Variants in SLC19A1 observed in about 807,000 individuals in gnomAD.
The protein encoded by SLC19A1 is solute carrier family 19 member 1.
A neutral mutation model predicts 35.3 loss-of-function variants in SLC19A1; 37 were observed. The ratio of observed to expected loss-of-function variants is 1.05; its 90% CI spans 0.81 to 1.38. The LOEUF is 1.38. SLC19A1 is among the 40% of genes most tolerant of loss of function. SLC19A1 has a pLI of 0.00. For missense variants in SLC19A1, 831 were observed against 826.9 expected (o/e 1.00, Z -0.06); for synonymous variants, 460 against 398.5 (o/e 1.15, Z -1.84).
At position 45,532,092 on chromosome 21, in the gene SLC19A1, G is replaced by A. The variant is rs1051269; in HGVS notation, c.246C>T (p.Pro82=). The A allele has an allele frequency of 5.0e-6, 8 of 1,612,174 alleles. No homozygotes were observed. The highest frequency in any genetic ancestry group is 6.8e-6 in the Non-Finnish European group (8 of 1,179,358). ...LSYSYLAVLV[P]VFLLTDYLRY... is the part of the protein sequence containing the mutation. ...GCAGGTAGTCGGTGAGCAGGAACAC[G>A]GGCACCAGCACGGCCAGGTAGGAGT... Residue 82 remains proline (P), a synonymous_variant, in exon 3 of 6, where the codon CCC becomes CCT. Transcript: ENST00000311124.
chr21:45,509,964 G>A (rs1165855032), downstream of SLC19A1: 31 of 1,368,222 alleles, frequency 2.3e-5, no homozygotes, highest in African/African-American at 2.9e-5. Flanking sequence ...CCCCTCGGCC[G>A]TGCCTGTCCA....
chr21:45,521,733 C>G (rs2077444234), intron 5 of SLC19A1, among the ~76,000 whole-genome samples: 1 of 152,008 alleles, frequency 6.6e-6, no homozygotes, highest in Non-Finnish European at 1.5e-5. Flanking sequence ...CAACTTTTGA[C>G]AAAGGTGCAA....
In SLC19A1 at chr21:45,514,726, G is replaced by A. The variant is rs1602680744; in HGVS notation, c.*932C>T. The A allele has an allele frequency of 2.4e-6, 1 of 424,754 alleles. No homozygotes were observed. 26.3% of individuals were successfully genotyped at this position (424,754 alleles called of 1,614,324 possible). ...AAGCCCTGCGCACACTCACTTAAGT[G>A]TGTTTAATGTATGTGGGAAGAGTAT... On this transcript the variant is annotated 3_prime_UTR_variant, in exon 6 of 6. Transcript: ENST00000311124.
chr21:45,505,285 C>T (rs1568942627), intron 3 of SLC19A1: 1 of 1,607,982 alleles, frequency 6.2e-7, no homozygotes, highest in Non-Finnish European at 8.5e-7. Context: ...CAGAGTAAGT[C>T]AGTGGGGAGT....
downstream of SLC19A1, chr21:45,509,305 G>A (rs2037431133): frequency 9.1e-6 from 14 of 1,535,216 alleles, no homozygotes; most frequent in South Asian, 1.2e-5. Flanking sequence ...GATGGAGGAG[G>A]GGCACCCGGA....
Position 45,512,566 on chromosome 21 carries a change from G to GTATT in SLC19A1, c.*3088_*3091dup. 1.5e-6 allele frequency: 1 copy of GTATT among 683,760 alleles called. No homozygotes were observed. Among genetic ancestry groups the GTATT allele is most frequent in the Non-Finnish European group, 2.5e-6 (1 of 407,542 alleles). The allele number at this position is 683,760 out of a possible 1,614,324, so 42.4% of individuals were successfully genotyped here. On this transcript the variant is annotated 3_prime_UTR_variant, in exon 6 of 6. Transcript: ENST00000311124. ...AAGAAATAAAAGGAAGCCAAAGAGT[G>GTATT]TATTTTTTTAAAAGTTTAAAACAGA...
At chr21:45,503,796 A>T (rs180981431) in intron 3 of SLC19A1, 53 of 287,562 alleles carry the variant, frequency 1.8e-4, no homozygotes, top group African/African-American at 9.8e-4. Flanking sequence ...TAATAAATTT[A>T]AAAAATTTAA....
At position 45,531,459 on chromosome 21, in the gene SLC19A1, G is replaced by T; in HGVS notation, c.879C>A (p.Asn293Lys). ...CACTGTTGGTGGTGGGGTCCACCTC[G>T]TTCCACAGGATGTGCACGTAGTAGA... ...LVVYYVHILW[N>K]EVDPTTNSAR... Residue 293 changes from asparagine (N) to lysine (K), a missense_variant, in exon 3 of 6, where the codon AAC becomes AAA. Physicochemically the swap from Asn to Lys is moderately conservative, Grantham distance 94. Transcript: ENST00000311124. The T allele has an allele frequency of 1.2e-6, 2 of 1,612,438 alleles. No homozygotes were observed. Among genetic ancestry groups the T allele is most frequent in the Admixed American group, 1.7e-5 (1 of 59,954 alleles).
chr21:45,552,474 C>T (rs1310950874), intron 1 of SLC19A1, among the ~76,000 whole-genome samples: 21 of 152,140 alleles, frequency 1.4e-4, no homozygotes, highest in East Asian at 7.7e-4. Flanking sequence ...GACACCCACC[C>T]GGAGGCTCAG....
intron 3 of SLC19A1, chr21:45,503,928 C>T: frequency 6.6e-7 from 1 of 1,513,054 alleles, no homozygotes; most frequent in Middle Eastern, 1.7e-4. Flanking sequence ...CTCAGGCAAA[C>T]CCACCAGTGC....
exon 1 of SLC19A1, among the ~76,000 whole-genome samples, chr21:45,562,839 CAT>C: frequency 6.6e-6 from 1 of 152,108 alleles, no homozygotes; most frequent in African/African-American, 2.4e-5. Flanking sequence ...TCCAACAGTC[CAT>C]GGAAGATCCT....
upstream of SLC19A1, among the ~76,000 whole-genome samples, chr21:45,543,522 C>T (rs1336105079): frequency 1.3e-5 from 2 of 152,210 alleles, no homozygotes; most frequent in African/African-American, 2.4e-5. Flanking sequence ...CGCGACCTGC[C>T]TCCTGGTGTT....
At chr21:45,504,690 C>G (rs1054031704) in intron 3 of SLC19A1, 1 of 773,004 alleles carries the variant, frequency 1.3e-6, no homozygotes. Context: ...CCCGACATGT[C>G]CCTGTCCCCG....
At chr21:45,553,052 C>CTCGCT (rs562596773) in intron 1 of SLC19A1, among the ~76,000 whole-genome samples, 166 of 152,258 alleles carry the variant, frequency 1.1e-3, no homozygotes, top group African/African-American at 3.7e-3. Flanking sequence ...TCCACTAAAA[C>CTCGCT]AAGACTCCAC....
downstream of SLC19A1, chr21:45,509,493 CGAGCCCCAGCCCTACCCCG>C: frequency 2.0e-6 from 3 of 1,529,076 alleles, no homozygotes; most frequent in Non-Finnish European, 2.6e-6. Context: ...CTCGCCTGCC[CGAGCCCCAGCCCTACCCCG>C]GAGCCCCGCA....
At chr21:45,537,737 C>G (rs1367234804) in intron 2 of SLC19A1, 34 bp downstream of exon 2, 1 of 1,213,376 alleles carries the variant, frequency 8.2e-7, no homozygotes, top group Admixed American at 4.3e-5. Flanking sequence ...CACCCACCCA[C>G]AGGCGGCCGC....
chr21:45,537,930 C>T lies in SLC19A1; in HGVS notation c.30G>A (p.Lys10=), dbSNP rs2078183310. 1.3e-6 allele frequency: 2 copies of T among 1,584,828 alleles called. No homozygotes were observed. Among genetic ancestry groups the T allele is most frequent in the Admixed American group, 1.8e-5 (1 of 57,128 alleles). ...CAGGCCCAGGTTCCACGGGCACCTG[C>T]TTCTCCACCGCTGGGCTGGAGGGCA... MVPSSPAVE[K]QVPVEPGPDP... The change falls in exon 2 of 6, where the codon AAG becomes AAA. Residue 10 remains lysine, a synonymous_variant. Transcript: ENST00000311124.
At chr21:45,550,732 C>T (rs116005514) in intron 1 of SLC19A1, among the ~76,000 whole-genome samples, 58 of 152,262 alleles carry the variant, frequency 3.8e-4, no homozygotes, top group African/African-American at 1.4e-3. Flanking sequence ...GGATGACTGG[C>T]GTTCCCTCTC....
intron 3 of SLC19A1, among the ~76,000 whole-genome samples, chr21:45,503,712 A>G (rs931109315): frequency 5.3e-5 from 8 of 151,772 alleles, no homozygotes; most frequent in Admixed American, 1.3e-4. Context: ...GGTGCAGCAC[A>G]CCAGCATGGC....
Sources: allele counts gnomAD v4.1 joint callset (sites outside exome capture counted in the v4.1 genomes callset), GRCh38; gene constraint gnomAD v4.1.1; transcripts MANE v1.5; gene names NCBI Gene and HGNC (gene_info 2026-07-23, HGNC 2026-07-21).